The following COL5A2 variants were observed in gnomAD, a reference collection of about 807,000 sequenced individuals.
COL5A2 encodes the protein collagen type V alpha 2 chain.
Under a neutral mutation model 208.2 loss-of-function variants are expected in COL5A2, and 23 were observed. The observed-to-expected ratio is 0.11, with a 90% CI of 0.08 to 0.16. The LOEUF is 0.16. Among genes scored for constraint, COL5A2 ranks in the 10% least tolerant of loss-of-function variants. COL5A2 has a pLI of 1.00. For synonymous variants in COL5A2, 625 were observed against 628.5 expected, an observed-to-expected ratio of 0.99 and a Z score of 0.08; for missense variants, 1,590 against 1,956.4, an observed-to-expected ratio of 0.81 and a Z score of 3.53.
intron 1 of COL5A2, among the ~76,000 whole-genome samples, chr2:189,187,830 G>A (rs528685021): frequency 6.6e-6 from 1 of 151,994 alleles, no homozygotes; most frequent in Non-Finnish European, 1.5e-5. Context: ...TTAGCCAGGC[G>A]TGGTGGTGGG....
chr2:189,439,982 A>G, the COL5A2 span, among the ~76,000 whole-genome samples: 1 of 152,254 alleles, frequency 6.6e-6, no homozygotes, highest in Non-Finnish European at 1.5e-5. Flanking sequence ...TGCAGAATCA[A>G]AAGTGATATT....
At chr2:189,256,028 A>G in the COL5A2 span, among the ~76,000 whole-genome samples, 1 of 152,220 alleles carries the variant, frequency 6.6e-6, no homozygotes, top group Non-Finnish European at 1.5e-5. Context: ...TTCAGCATTT[A>G]TATGTTAGTT....
At chr2:189,401,657 T>C in the COL5A2 span, among the ~76,000 whole-genome samples, 1 of 152,196 alleles carries the variant, frequency 6.6e-6, no homozygotes, top group South Asian at 2.1e-4. Context: ...TCCACAATGG[T>C]TTAACTAATT....
the COL5A2 span, among the ~76,000 whole-genome samples, chr2:189,419,386 A>C: frequency 2.0e-5 from 3 of 152,190 alleles, no homozygotes; most frequent in African/African-American, 7.2e-5. Context: ...TTTTTTAGGC[A>C]ATCTAGGAAC....
chr2:189,116,656 G>T (rs1256261324), intron 1 of COL5A2, among the ~76,000 whole-genome samples: 1 of 152,122 alleles, frequency 6.6e-6, no homozygotes, highest in Non-Finnish European at 1.5e-5. Flanking sequence ...CCACTGCAAA[G>T]ACTTTTACTT....
At chr2:189,215,842 T>C (rs1559148013) in intron 1 of COL5A2, among the ~76,000 whole-genome samples, 1 of 152,174 alleles carries the variant, frequency 6.6e-6, no homozygotes, top group Non-Finnish European at 1.5e-5. Flanking sequence ...TAATAGCTAA[T>C]GACATAGAAC....
chr2:189,179,768 T>C, upstream of COL5A2: 1 of 1,194,548 alleles, frequency 8.4e-7, no homozygotes. Flanking sequence ...CTGCGAAAAC[T>C]TTTTTCAAGC....
intron 1 of COL5A2, among the ~76,000 whole-genome samples, chr2:189,150,299 C>T (rs143215673): frequency 6.6e-6 from 1 of 152,234 alleles, no homozygotes; most frequent in East Asian, 1.9e-4. Context: ...CCAGAATGCT[C>T]TCAGATGACA....
the COL5A2 span, among the ~76,000 whole-genome samples, chr2:189,404,052 C>A: frequency 6.6e-6 from 1 of 152,154 alleles, no homozygotes; most frequent in Non-Finnish European, 1.5e-5. Context: ...TTAAAGGACT[C>A]ACTTGATTAA....
the COL5A2 span, among the ~76,000 whole-genome samples, chr2:189,432,389 A>C: frequency 6.6e-6 from 1 of 152,214 alleles, no homozygotes; most frequent in Non-Finnish European, 1.5e-5. Flanking sequence ...GGACTGGCAA[A>C]TTGGATAAAG....
At position 189,064,648 on chromosome 2, in the gene COL5A2, T is replaced by A. The variant is rs771903588; in HGVS notation, c.1625A>T (p.Gln542Leu). Residue 542 changes from glutamine (Q) to leucine (L), a missense_variant, in exon 25 of 54, where the codon CAA becomes CTA. Physicochemically the swap from Gln to Leu is moderately radical, Grantham distance 113. Transcript: ENST00000374866. ...AGAACCTACAGGACCCCGTTCTCCT[T>A]GAGCACCCTGTACCGAGGCAAAGCA... ...SDGLPGPKGA[Q>L]GERGPVGSSG... 1.9e-6 allele frequency: 3 copies of A among 1,612,114 alleles called. No homozygotes were observed. The Admixed American group carries it at 5.0e-5, about 27-fold the overall frequency.
At chr2:189,333,199 T>A in the COL5A2 span, among the ~76,000 whole-genome samples, 1 of 151,888 alleles carries the variant, frequency 6.6e-6, no homozygotes. Context: ...AAGGTGAAAA[T>A]TTAAAGATAG....
intron 1 of COL5A2, among the ~76,000 whole-genome samples, chr2:189,141,801 A>C (rs1442316397): frequency 6.6e-6 from 1 of 152,184 alleles, no homozygotes; most frequent in Non-Finnish European, 1.5e-5. Flanking sequence ...ATAGAGTTTA[A>C]TAGTGAAGCC....
the COL5A2 span, among the ~76,000 whole-genome samples, chr2:189,294,492 A>G: frequency 6.6e-6 from 1 of 152,198 alleles, no homozygotes; most frequent in East Asian, 1.9e-4. Context: ...ACTTTATTAT[A>G]TTCCTAATAA....
At chr2:189,135,357 A>G (rs1212730406) in intron 1 of COL5A2, among the ~76,000 whole-genome samples, 3 of 152,192 alleles carry the variant, frequency 2.0e-5, no homozygotes, top group African/African-American at 7.2e-5. Flanking sequence ...CCACACAGTC[A>G]GTTGTGAGTT....
chr2:189,063,828 G>C (rs1388319056), intron 26 of COL5A2, 152 bp downstream of exon 26: 2 of 622,632 alleles, frequency 3.2e-6, no homozygotes, highest in Non-Finnish European at 5.5e-6. Context: ...CTTGAAAATA[G>C]ATCCTAAGAA....
intron 1 of COL5A2, among the ~76,000 whole-genome samples, chr2:189,141,267 T>TA (rs1398430054): frequency 1.3e-5 from 2 of 152,192 alleles, no homozygotes; most frequent in African/African-American, 4.8e-5. Flanking sequence ...CCATTAATAA[T>TA]AATAATAAAT....
At chr2:189,305,814 T>TAAAAAA in the COL5A2 span, among the ~76,000 whole-genome samples, 1 of 139,584 alleles carries the variant, frequency 7.2e-6, no homozygotes. Context: ...ATATTCAATC[T>TAAAAAA]AAAAAAAAAA....
At chr2:189,129,557 C>T (rs73980159) in intron 1 of COL5A2, among the ~76,000 whole-genome samples, 13 of 152,034 alleles carry the variant, frequency 8.6e-5, no homozygotes, top group African/African-American at 2.4e-4. Flanking sequence ...CTCTCTTTTA[C>T]GTGCAAAAGC....
Sources: gnomAD v4.1 joint callset for allele counts (sites outside exome capture counted in the v4.1 genomes callset) on GRCh38, gnomAD v4.1.1 for gene constraint, MANE v1.5 for transcripts, NCBI Gene and HGNC (gene_info 2026-07-23, HGNC 2026-07-21) for gene names.